Variants in CNTN4 observed in about 807,000 individuals in gnomAD.
The protein encoded by CNTN4 is contactin-4.
Under a neutral mutation model 122.5 loss-of-function variants are expected in CNTN4, and 77 were observed. That is an observed-to-expected ratio of 0.63 (90% CI 0.52 to 0.76). The LOEUF (loss-of-function observed/expected upper bound fraction) is 0.76. Ranked by LOEUF, CNTN4 falls within the 30% of genes least tolerant of loss-of-function variation. The pLI is 0.00. For missense variants in CNTN4, 1,256 were observed against 1,259.1 expected (o/e 1.00, Z 0.04); for synonymous variants, 512 against 447.0 (o/e 1.15, Z -1.83).
At chr3:2,328,705 A>G (rs2043582422) in intron 2 of CNTN4, among the ~76,000 whole-genome samples, 1 of 152,184 alleles carries the variant, frequency 6.6e-6, no homozygotes, top group Admixed American at 6.5e-5. Flanking sequence ...GTTAAAATAC[A>G]GTATAAAATC....
chr3:2,126,563 T>C (rs1301162167), intron 2 of CNTN4, among the ~76,000 whole-genome samples: 1 of 152,216 alleles, frequency 6.6e-6, no homozygotes, highest in Non-Finnish European at 1.5e-5. Flanking sequence ...ATTGAGCATC[T>C]TGCAGTTCTG....
Position 2,833,424 on chromosome 3 carries a change from A to C in CNTN4, c.454+13843A>C, listed in dbSNP as rs1159714309. Among the ~76,000 whole-genome samples the C allele has an allele frequency of 2.0e-5, 3 of 150,706 alleles. No individual in the cohort carries two copies. In the East Asian group the frequency reaches 5.9e-4, roughly 30 times the overall value. On this transcript the variant is annotated intron_variant, in intron 7 of 24. Coordinates refer to ENST00000418658, the MANE Select transcript of CNTN4 (RefSeq NM_175607.3). ...ATCAGAAAGCTTCATAAATATAAAA[A>C]TTAGGTAGTAAAGTTCCAACCCATA...
chr3:2,572,457 A>G (rs892525066), intron 4 of CNTN4, among the ~76,000 whole-genome samples: 1 of 152,198 alleles, frequency 6.6e-6, no homozygotes, highest in Admixed American at 6.5e-5. Flanking sequence ...TTTCTGGAAG[A>G]TATGAGTCTA....
At chr3:2,550,091 T>C (rs1337413630) in intron 3 of CNTN4, among the ~76,000 whole-genome samples, 1 of 152,162 alleles carries the variant, frequency 6.6e-6, no homozygotes, top group Non-Finnish European at 1.5e-5. Flanking sequence ...CTTCTCTCTT[T>C]TCTTCTTATT....
At chr3:2,328,639 A>G (rs60269566) in intron 2 of CNTN4, among the ~76,000 whole-genome samples, 53,105 of 151,154 alleles carry the variant, frequency 0.35, 10,298 homozygotes, top group East Asian at 0.8. Context: ...TGCGGATTCA[A>G]CCAACTGCGG....
chr3:2,646,752 C>T (rs954008054), intron 4 of CNTN4, among the ~76,000 whole-genome samples: 3 of 152,174 alleles, frequency 2.0e-5, no homozygotes. Flanking sequence ...CCTGAGGACT[C>T]TCTCCCTGGT....
At chr3:2,645,998 T>C (rs1448374489) in intron 4 of CNTN4, among the ~76,000 whole-genome samples, 1 of 152,236 alleles carries the variant, frequency 6.6e-6, no homozygotes, top group Non-Finnish European at 1.5e-5. Flanking sequence ...TAGACAAATA[T>C]TATTCTTTTT....
intron 10 of CNTN4, among the ~76,000 whole-genome samples, chr3:2,895,773 G>T (rs186751454): frequency 6.6e-6 from 1 of 152,204 alleles, no homozygotes; most frequent in Non-Finnish European, 1.5e-5. Flanking sequence ...AGTGGCTCAC[G>T]CCTGTCATCC....
At chr3:2,790,436 C>T (rs181624165) in intron 6 of CNTN4, among the ~76,000 whole-genome samples, 12 of 152,262 alleles carry the variant, frequency 7.9e-5, no homozygotes, top group African/African-American at 1.7e-4. Flanking sequence ...CAGGGATAGT[C>T]GTTTCACAAG....
intron 12 of CNTN4, among the ~76,000 whole-genome samples, chr3:2,920,414 G>A (rs978409950): frequency 4.6e-5 from 7 of 151,116 alleles, no homozygotes; most frequent in African/African-American, 1.5e-4. Context: ...GTCTACATGT[G>A]TGATACATAC....
chr3:2,116,767 C>G (rs1037034281), intron 2 of CNTN4, among the ~76,000 whole-genome samples: 6 of 152,170 alleles, frequency 3.9e-5, no homozygotes, highest in Admixed American at 3.9e-4. Flanking sequence ...CCCCTGCCAA[C>G]TCCCTACCCA....
At chr3:2,855,398 G>A (rs1434774648) in intron 7 of CNTN4, among the ~76,000 whole-genome samples, 2 of 152,128 alleles carry the variant, frequency 1.3e-5, no homozygotes, top group Admixed American at 6.6e-5. Context: ...CACTTTCCCT[G>A]TCTCTCCAAT....
intron 7 of CNTN4, among the ~76,000 whole-genome samples, chr3:2,838,130 C>G (rs2093268471): frequency 6.6e-6 from 1 of 152,154 alleles, no homozygotes; most frequent in South Asian, 2.1e-4. Context: ...GGAAGGTGTT[C>G]CACTGTTAAG....
intron 12 of CNTN4, among the ~76,000 whole-genome samples, chr3:2,913,299 C>G (rs901456014): frequency 1.3e-5 from 2 of 152,148 alleles, no homozygotes; most frequent in Non-Finnish European, 1.5e-5. Context: ...CAATTGTAAG[C>G]CCTTCCCTAT....
chr3:2,813,293 ATT>A (rs2092655235), intron 6 of CNTN4, among the ~76,000 whole-genome samples: 1 of 152,130 alleles, frequency 6.6e-6, no homozygotes, highest in African/African-American at 2.4e-5. Context: ...CTCCTTACTG[ATT>A]GCGTCTTTTA....
chr3:2,285,813 C>T (rs1435894622), intron 2 of CNTN4, among the ~76,000 whole-genome samples: 1 of 152,034 alleles, frequency 6.6e-6, no homozygotes, highest in African/African-American at 2.4e-5. Flanking sequence ...GTTTTATGGC[C>T]TGTATTTCAC....
intron 6 of CNTN4, among the ~76,000 whole-genome samples, chr3:2,779,669 T>C (rs75399486): frequency 9.1e-4 from 138 of 152,348 alleles, no homozygotes; most frequent in African/African-American, 2.9e-3. Context: ...AGCTTAGTGT[T>C]CCCTTCTGAA....
chr3:3,011,182 G>T (rs1477771393), intron 14 of CNTN4, among the ~76,000 whole-genome samples: 7 of 152,150 alleles, frequency 4.6e-5, no homozygotes, highest in Non-Finnish European at 1.0e-4. Context: ...AAAAGATTCT[G>T]TGTTCTTTAA....
At chr3:2,746,541 T>C (rs533439742) in intron 6 of CNTN4, among the ~76,000 whole-genome samples, 1 of 152,240 alleles carries the variant, frequency 6.6e-6, no homozygotes, top group Non-Finnish European at 1.5e-5. Context: ...TGTATTTGCA[T>C]GTGATTATAT....
Sources: gnomAD v4.1 joint callset for allele counts (sites outside exome capture counted in the v4.1 genomes callset) on GRCh38, gnomAD v4.1.1 for gene constraint, MANE v1.5 for transcripts, NCBI Gene and HGNC (gene_info 2026-07-23, HGNC 2026-07-21) for gene names.